The following FAM174A variants were observed in gnomAD, a reference collection of about 807,000 sequenced individuals.
FAM174A encodes the protein membrane protein FAM174A.
A neutral mutation model predicts 14.3 loss-of-function variants in FAM174A; 14 were observed. That is an observed-to-expected ratio of 0.98 (90% CI 0.65 to 1.53). The LOEUF (loss-of-function observed/expected upper bound fraction) is 1.53, where lower values mean the gene tolerates loss of function less well. FAM174A is among the 40% of genes most tolerant of loss of function. FAM174A has a pLI of 0.00. For synonymous variants in FAM174A, 108 were observed against 111.4 expected (o/e 0.97, Z 0.19); for missense variants, 241 against 249.6 (o/e 0.97, Z 0.23).
At position 100,535,758 on chromosome 5, in the gene FAM174A, G is replaced by A. The variant is rs745626051; in HGVS notation, c.228G>A (p.Pro76=). The change falls in exon 1 of 3, where the codon CCG becomes CCA. Residue 76 remains proline, a synonymous_variant. Coordinates refer to ENST00000312637, the MANE Select transcript of FAM174A (RefSeq NM_198507.3). ...GTGGTCTGGCTGAAGCTGCGGGGCCGCGGGGCTCCGAGGGAGGCAATGGCA... is the reference window on the plus strand; with the variant it reads ...GTGGTCTGGCTGAAGCTGCGGGGCCACGGGGCTCCGAGGGAGGCAATGGCA... ...PGRGLAEAAG[P]RGSEGGNGSN... 6 of 1,604,006 alleles carry A rather than the reference G, an allele frequency of 3.7e-6. No homozygotes were observed. The highest frequency in any genetic ancestry group is 4.2e-6 in the Non-Finnish European group (5 of 1,177,594).
intron 1 of FAM174A, among the ~76,000 whole-genome samples, chr5:100,559,433 G>A (rs569504918): frequency 3.3e-5 from 5 of 151,936 alleles, no homozygotes; most frequent in South Asian, 2.1e-4. Context: ...TGCTCTTCTC[G>A]AGGAGTATCT....
intron 1 of FAM174A, among the ~76,000 whole-genome samples, chr5:100,551,396 C>G (rs1746260348): frequency 6.6e-6 from 1 of 152,154 alleles, no homozygotes; most frequent in South Asian, 2.1e-4. Flanking sequence ...TAACAGGGAA[C>G]TCCGCTAATG....
rs77751979 is a variant in FAM174A, at chr5:100,550,912, T to A, written c.435-11142T>A. Among the ~76,000 whole-genome samples, 230 of 152,054 alleles carry A rather than the reference T, an allele frequency of 1.5e-3. 2 individuals are homozygous for A. The highest frequency in any genetic ancestry group is 5.1e-3 in the African/African-American group (211 of 41,482). ...CTGGAGTTCAGAACCTGGAGTGGAA[T>A]GTGGAGCAAAGAACAAGATGAGGCT... is the stretch of plus-strand genomic sequence containing the variant. On this transcript the variant is annotated intron_variant, in intron 1 of 2. Transcript: ENST00000312637.
In FAM174A at chr5:100,546,228, T is replaced by C. The variant is rs534869075; in HGVS notation, c.434+10264T>C. ...TTTGGTCTTGCCATGCCAACATATG[T>C]CCTTCACAGTTGTCAGAGCTTGGTG... is the stretch of plus-strand genomic sequence containing the variant. On this transcript the variant is annotated intron_variant, in intron 1 of 2. Transcript: ENST00000312637. Among the ~76,000 whole-genome samples, 304 of 152,316 alleles carry C rather than the reference T, an allele frequency of 2.0e-3. 1 individual carries two copies. Among genetic ancestry groups the C allele is most frequent in the Middle Eastern group, 3.4e-3 (1 of 294 alleles).
intron 1 of FAM174A, among the ~76,000 whole-genome samples, chr5:100,541,526 C>T (rs1372770061): frequency 6.6e-6 from 1 of 151,788 alleles, no homozygotes; most frequent in Non-Finnish European, 1.5e-5. Flanking sequence ...TGGATGAGAG[C>T]TGTAGAAAGG....
At chr5:100,556,371 A>C (rs1746382058) in intron 1 of FAM174A, among the ~76,000 whole-genome samples, 1 of 152,178 alleles carries the variant, frequency 6.6e-6, no homozygotes, top group African/African-American at 2.4e-5. Context: ...GAAGTCAGGT[A>C]GCATGATGCC....
chr5:100,562,798 A>G (rs1005468410), intron 2 of FAM174A, among the ~76,000 whole-genome samples: 1 of 151,868 alleles, frequency 6.6e-6, no homozygotes, highest in Non-Finnish European at 1.5e-5. Context: ...ATCTATTCTC[A>G]GTAAGTGTTA....
chr5:100,562,797 C>T (rs920351634), intron 2 of FAM174A, among the ~76,000 whole-genome samples: 3 of 151,648 alleles, frequency 2.0e-5, no homozygotes, highest in East Asian at 3.9e-4. Context: ...GATCTATTCT[C>T]AGTAAGTGTT....
chr5:100,550,351 A>G (rs1327974080), intron 1 of FAM174A, among the ~76,000 whole-genome samples: 4 of 151,950 alleles, frequency 2.6e-5, no homozygotes, highest in Non-Finnish European at 5.9e-5. Flanking sequence ...GCTCCCTTAG[A>G]TTTTGTTGTG....
chr5:100,550,453 G>A (rs1746240930), intron 1 of FAM174A, among the ~76,000 whole-genome samples: 1 of 152,086 alleles, frequency 6.6e-6, no homozygotes, highest in Admixed American at 6.6e-5. Context: ...CTTATACAGA[G>A]AAAATGGAAG....
intron 2 of FAM174A, among the ~76,000 whole-genome samples, chr5:100,563,121 A>T (rs1208270187): frequency 6.6e-6 from 1 of 151,902 alleles, no homozygotes; most frequent in African/African-American, 2.4e-5. Flanking sequence ...ATATATGCAC[A>T]CACACAAAGG....
chr5:100,575,484 G>A (rs1471529098), intron 2 of FAM174A, among the ~76,000 whole-genome samples: 4 of 152,008 alleles, frequency 2.6e-5, no homozygotes, highest in Non-Finnish European at 5.9e-5. Flanking sequence ...TCCCACCTAT[G>A]AGTGAGAACA....
In FAM174A at chr5:100,582,899, A is replaced by G. The variant is rs181843999; in HGVS notation, c.570-3282A>G. On this transcript the variant is annotated intron_variant, in intron 2 of 2. Coordinates refer to ENST00000312637, the MANE Select transcript of FAM174A (RefSeq NM_198507.3). ...TTGGCTCTTGAATAACATGGGGGCT[A>G]GGGGCACCAACTACACAGTCAAAAA... Among the ~76,000 whole-genome samples, 87 of 152,268 alleles carry G rather than the reference A, an allele frequency of 5.7e-4. No homozygotes were observed. In the Middle Eastern group the frequency reaches 0.014, roughly 24 times the overall value.
At chr5:100,543,715 C>A (rs1027626244) in intron 1 of FAM174A, among the ~76,000 whole-genome samples, 1 of 152,118 alleles carries the variant, frequency 6.6e-6, no homozygotes, top group Admixed American at 6.6e-5. Context: ...TCAGCCTCCC[C>A]GAGTGGCTGG....
rs78854947 is a variant in FAM174A at position 100,539,948 on chromosome 5, G to A, written c.434+3984G>A. Among the ~76,000 whole-genome samples the A allele has an allele frequency of 8.2e-3, 1,242 of 152,238 alleles. 13 individuals are homozygous for A. The highest frequency in any genetic ancestry group is 0.028 in the African/African-American group (1,183 of 41,542). ...TTGATCATCATATTTGTGCCAAGGT[G>A]AAATAATTTTGTTTCCTACCTCAAC... On this transcript the variant is annotated intron_variant, in intron 1 of 2. Transcript: ENST00000312637.
intron 2 of FAM174A, among the ~76,000 whole-genome samples, chr5:100,573,001 AG>A (rs1746822839): frequency 1.3e-5 from 2 of 152,320 alleles, no homozygotes; most frequent in African/African-American, 4.8e-5. Flanking sequence ...TCTGATGGCC[AG>A]TGATGATAAG....
intron 2 of FAM174A, among the ~76,000 whole-genome samples, chr5:100,574,235 C>A (rs1448602865): frequency 6.6e-6 from 1 of 152,104 alleles, no homozygotes; most frequent in Non-Finnish European, 1.5e-5. Context: ...GTCACCCAAG[C>A]TGGAGTGCAG....
intron 2 of FAM174A, among the ~76,000 whole-genome samples, chr5:100,562,734 T>C (rs927699425): frequency 2.0e-5 from 3 of 151,864 alleles, no homozygotes; most frequent in Non-Finnish European, 4.4e-5. Flanking sequence ...CCTTGCAGAA[T>C]TGGGGGACTA....
intron 1 of FAM174A, among the ~76,000 whole-genome samples, chr5:100,554,176 T>C (rs1726232780): frequency 6.6e-6 from 1 of 152,126 alleles, no homozygotes; most frequent in African/African-American, 2.4e-5. Flanking sequence ...TCAATATCCT[T>C]AACTTATATT....
Sources: gnomAD v4.1 joint callset for allele counts (sites outside exome capture counted in the v4.1 genomes callset) on GRCh38, gnomAD v4.1.1 for gene constraint, MANE v1.5 for transcripts, NCBI Gene and HGNC (gene_info 2026-07-23, HGNC 2026-07-21) for gene names.